SOHLH1: variants seen among roughly 807,000 people sequenced by gnomAD.
The protein encoded by SOHLH1 is spermatogenesis and oogenesis specific basic helix-loop-helix 1.
SOHLH1 carries 23 observed loss-of-function variants against 36.2 expected under a neutral mutation model. The observed-to-expected ratio is 0.64, with a 90% CI of 0.46 to 0.90. The LOEUF (loss-of-function observed/expected upper bound fraction) is 0.90, where lower values mean the gene tolerates loss of function less well. Ranked by LOEUF, SOHLH1 falls within the 40% of genes least tolerant of loss-of-function variation. The probability of loss-of-function intolerance (pLI) is 0.00; values close to 1 mark genes in which losing one functional copy is unlikely to be tolerated. For missense variants in SOHLH1, 608 were observed against 517.0 expected (o/e 1.18, Z -1.71); for synonymous variants, 289 against 228.3 (o/e 1.27, Z -2.40).
upstream of SOHLH1, among the ~76,000 whole-genome samples, chr9:135,700,238 C>T (rs1441149969): frequency 1.3e-5 from 2 of 152,214 alleles, no homozygotes; most frequent in African/African-American, 4.8e-5. Context: ...TCTGCGGGAT[C>T]GCGGGGGTCC....
chr9:135,699,494 C>G (rs375000520), upstream of SOHLH1: 54 of 1,606,490 alleles, frequency 3.4e-5, no homozygotes, highest in Non-Finnish European at 4.6e-5. Flanking sequence ...AGCGACCCCA[C>G]GCGCACGGCC....
intron 5 of SOHLH1, among the ~76,000 whole-genome samples, chr9:135,695,906 C>G (rs1367683758): frequency 6.6e-6 from 1 of 152,128 alleles, no homozygotes; most frequent in Admixed American, 6.5e-5. Flanking sequence ...CCTGGCTCAC[C>G]CCAATTACAG....
intron 7 of SOHLH1, chr9:135,694,143 G>A (rs1834697627): frequency 2.8e-6 from 4 of 1,434,696 alleles, no homozygotes; most frequent in Non-Finnish European, 3.6e-6. Context: ...AGAATACAGG[G>A]CTCCAAGCAC....
intron 4 of SOHLH1, 27 bp downstream of exon 4, chr9:135,697,479 G>A (rs1834849958): frequency 1.2e-6 from 2 of 1,602,982 alleles, no homozygotes; most frequent in African/African-American, 1.3e-5. Flanking sequence ...ACCCAGCCCT[G>A]GAGAGCGGGC....
intron 3 of SOHLH1, among the ~76,000 whole-genome samples, chr9:135,698,053 T>C (rs767636737): frequency 2.6e-5 from 4 of 151,694 alleles, no homozygotes; most frequent in South Asian, 2.1e-4. Flanking sequence ...CTCCCCCAAA[T>C]TGGCACGGAG....
At chr9:135,693,897 C>G (rs976992612) in intron 7 of SOHLH1, 83 bp from the exon 8 acceptor site, 12 of 1,489,172 alleles carry the variant, frequency 8.1e-6, no homozygotes, top group Non-Finnish European at 1.1e-5. Flanking sequence ...AGGAACAGAG[C>G]TCCCACCTCA....
chr9:135,701,972 A>G (rs189726351), upstream of SOHLH1, among the ~76,000 whole-genome samples: 1,965 of 151,894 alleles, frequency 0.013, 45 homozygotes, highest in African/African-American at 0.044. Context: ...CCATTGACGA[A>G]CCCCGTCCTG....
rs557224300 is a variant in SOHLH1, at chr9:135,696,890, C to A, written c.468-85G>T. 7.5e-5 allele frequency: 109 copies of A among 1,452,238 alleles called. No homozygotes were observed. In the African/African-American group the frequency reaches 1.2e-3, roughly 16 times the overall value. 90.0% of individuals were successfully genotyped at this position (1,452,238 alleles called of 1,614,324 possible). A position where few individuals can be genotyped will look rare whatever the true frequency, so the allele number is the denominator to read the frequency against. On this transcript the variant is annotated intron_variant, in intron 4 of 7. Coordinates refer to ENST00000425225, the MANE Select transcript of SOHLH1 (RefSeq NM_001101677.2). Reference sequence around the variant, plus strand: ...CCCCACCCACCCCAAGAGCAGAGGGCTGGACCCATCCCCAGGACACCCCAG... The same window carrying A: ...CCCCACCCACCCCAAGAGCAGAGGGATGGACCCATCCCCAGGACACCCCAG...
rs1481429972 is a variant in SOHLH1 at position 135,693,629 on chromosome 9, C to T, written c.1132G>A (p.Glu378Lys). The T allele has an allele frequency of 6.3e-7, 1 of 1,585,300 alleles. No individual in the cohort carries two copies. The highest frequency in any genetic ancestry group is 2.3e-5 in the East Asian group (1 of 43,078). ...GCAAAGAAGTCAGGGAAGATGCTCT[C>T]CACCTCGTCCTTCAGGGCCAGGCCT... ...CAGLALKDEV[E>K]SIFPDFFAC The change falls in exon 8 of 8, where the codon GAG becomes AAG. Residue 378 changes from glutamate (E) to lysine (K), a missense_variant. Transcript: ENST00000425225.
chr9:135,696,889 G>A, intron 4 of SOHLH1, 84 bp from the exon 5 acceptor site: 1 of 1,462,606 alleles, frequency 6.8e-7, no homozygotes, highest in Non-Finnish European at 9.3e-7. Flanking sequence ...AGAGCAGAGG[G>A]CTGGACCCAT....
intron 5 of SOHLH1, 26 bp downstream of exon 5, chr9:135,696,586 A>G (rs772908313): frequency 6.2e-7 from 1 of 1,610,542 alleles, no homozygotes; most frequent in South Asian, 1.1e-5. Flanking sequence ...GGCCAAAGGC[A>G]CCCCACATGC....
At position 135,693,541 on chromosome 9, in the gene SOHLH1, A is replaced by G; in HGVS notation, c.*56T>C. The G allele has an allele frequency of 3.3e-6, 5 of 1,513,286 alleles. No homozygotes were observed. Among genetic ancestry groups the G allele is most frequent in the Non-Finnish European group, 4.5e-6 (5 of 1,122,750 alleles). The allele number at this position is 1,513,286 out of a possible 1,614,324, so 93.7% of individuals were successfully genotyped here. On this transcript the variant is annotated 3_prime_UTR_variant, in exon 8 of 8. Transcript: ENST00000425225. ...TAAAATGCCCAAGCACGCGACAGGG[A>G]CACACACGGCTCCAGATCCACCGGC...
At chr9:135,702,088 C>T (rs1230950661), upstream of SOHLH1, 2 of 566,072 alleles carry the variant, frequency 3.5e-6, no homozygotes, top group South Asian at 2.2e-5. Context: ...GGTCCCGGCG[C>T]GGCCGGCAGG....
At chr9:135,698,626 C>T (rs1834905891) in intron 2 of SOHLH1, 150 bp from the exon 3 acceptor site, 2 of 1,176,792 alleles carry the variant, frequency 1.7e-6, no homozygotes, top group Non-Finnish European at 2.5e-6. Context: ...TGGTCTGAAG[C>T]CCCGAGATCC....
upstream of SOHLH1, among the ~76,000 whole-genome samples, chr9:135,700,106 G>A (rs1220280077): frequency 2.0e-5 from 3 of 152,102 alleles, no homozygotes; most frequent in Non-Finnish European, 4.4e-5. Flanking sequence ...TCTTCCTCCC[G>A]CTGAGCTCTG....
At chr9:135,694,359 C>A (rs762134423) in intron 7 of SOHLH1, 28 bp downstream of exon 7, 2 of 1,612,000 alleles carry the variant, frequency 1.2e-6, no homozygotes, top group Non-Finnish European at 1.7e-6. Flanking sequence ...CGCGGGGGGA[C>A]CAGCCCTGAA....
At chr9:135,700,673 A>G (rs1042607290), upstream of SOHLH1, among the ~76,000 whole-genome samples, 1 of 152,102 alleles carries the variant, frequency 6.6e-6, no homozygotes, top group African/African-American at 2.4e-5. Flanking sequence ...TGGGCCAAAG[A>G]TGGGTGAAGG....
At chr9:135,694,095 G>A in intron 7 of SOHLH1, 1 of 1,428,758 alleles carries the variant, frequency 7.0e-7, no homozygotes, top group East Asian at 2.5e-5. Context: ...GCCAGCACGG[G>A]CTGGACCAGG....
intron 6 of SOHLH1, among the ~76,000 whole-genome samples, chr9:135,694,821 G>C (rs181164178): frequency 1.1e-4 from 17 of 151,998 alleles, no homozygotes; most frequent in Admixed American, 2.0e-4. Flanking sequence ...TGACAATTAG[G>C]AAGACAAAAG....
Sources: allele counts gnomAD v4.1 joint callset (sites outside exome capture counted in the v4.1 genomes callset), GRCh38; gene constraint gnomAD v4.1.1; transcripts MANE v1.5; gene names NCBI Gene and HGNC (gene_info 2026-07-23, HGNC 2026-07-21).